SLC49A3: variants seen among roughly 807,000 people sequenced by gnomAD.
SLC49A3 encodes solute carrier family 49 member A3.
Under a neutral mutation model 43.8 loss-of-function variants are expected in SLC49A3, and 50 were observed. The ratio of observed to expected loss-of-function variants is 1.14; its 90% CI spans 0.91 to 1.45. The LOEUF is 1.45. Ranked by LOEUF, SLC49A3 falls within the 40% of genes most tolerant of loss-of-function variation. The probability of loss-of-function intolerance (pLI) is 0.00; values close to 1 mark genes in which losing one functional copy is unlikely to be tolerated. For missense variants in SLC49A3, 906 were observed against 774.1 expected, an observed-to-expected ratio of 1.17 and a Z score of -2.02; for synonymous variants, 413 against 352.0, an observed-to-expected ratio of 1.17 and a Z score of -1.94.
At chr4:690,110 T>G (rs76590635), upstream of SLC49A3, among the ~76,000 whole-genome samples, 6,773 of 152,294 alleles carry the variant, frequency 0.044, 246 homozygotes, top group African/African-American at 0.1. Flanking sequence ...CCTGTCCATT[T>G]TCCACACCTG....
At chr4:678,486 CA>C, downstream of SLC49A3, 1 of 1,438,776 alleles carries the variant, frequency 7.0e-7, no homozygotes, top group Non-Finnish European at 9.1e-7. Context: ...GTCCTGCCCC[CA>C]ACCCCAGCTA....
chr4:686,470 T>G, intron 2 of SLC49A3, 62 bp downstream of exon 2: 1 of 1,579,750 alleles, frequency 6.3e-7, no homozygotes, highest in Non-Finnish European at 8.6e-7. Context: ...TTGACTCTCC[T>G]ACCCAAATGC....
chr4:681,970 C>G lies in SLC49A3; in HGVS notation c.1668G>C (p.Trp556Cys), dbSNP rs372865420. Residue 556 changes from tryptophan to cysteine, a missense_variant, in exon 10 of 10, where the codon TGG becomes TGC. Trp to Cys is a radical substitution (Grantham distance 215). Coordinates refer to ENST00000322224, the MANE Select transcript of SLC49A3 (RefSeq NM_032219.4). ...AGSHSSFSSP[W>C]VIT ...ACAAGGCGCTCAGCTACGTGATCAC[C>G]CACGGGGAGGAGAAGGAGGAGTGAG... 5.0e-6 allele frequency: 7 copies of G among 1,394,762 alleles called. No homozygotes were observed. The African/African-American group carries it at 7.5e-5, about 15-fold the overall frequency. 86.4% of individuals were successfully genotyped at this position (1,394,762 alleles called of 1,614,324 possible).
rs199788552 is a variant in SLC49A3, at chr4:682,917, G to A, written c.1152-27C>T. 1,278 of 1,535,890 alleles carry A rather than the reference G, an allele frequency of 8.3e-4. 7 individuals carry two copies. The Middle Eastern group carries it at 0.01, about 13-fold the overall frequency. On this transcript the variant is annotated intron_variant, in intron 8 of 9. Transcript: ENST00000322224. The stretch of plus-strand genomic sequence containing the variant: ...TGGACACACGTGGCCCTCAGCCCCC[G>A]CTGCACTGCCCACCCCCTCGGAGCC...
chr4:687,726 C>T (rs1438112679), intron 1 of SLC49A3, among the ~76,000 whole-genome samples: 1 of 152,190 alleles, frequency 6.6e-6, no homozygotes, highest in African/African-American at 2.4e-5. Flanking sequence ...CCTGCGCTCG[C>T]CCCCTTGGGT....
At chr4:689,888 C>G (rs570916644), upstream of SLC49A3, among the ~76,000 whole-genome samples, 54 of 152,318 alleles carry the variant, frequency 3.5e-4, no homozygotes, top group Non-Finnish European at 5.6e-4. Context: ...GCTGATCCCA[C>G]AACTGTGCCT....
chr4:679,983 C>T (rs61748885), downstream of SLC49A3: 34,955 of 1,613,482 alleles, frequency 0.022, 2,107 homozygotes, highest in East Asian at 0.26. Context: ...ATCAACTTCA[C>T]CATGTTTCTG....
At position 684,780 on chromosome 4, in the gene SLC49A3, G is replaced by A. The variant is rs60225564; in HGVS notation, c.662C>T (p.Thr221Ile). The stretch of plus-strand genomic sequence containing the variant: ...GCTGGCAGCCCCGGCAGAGGGCGGG[G>A]TGGGGGGCACACTCTCCCACAGGCA... ...TICLWESVPP[T>I]PPSAGAASST... is the part of the protein sequence containing the mutation. Residue 221 changes from threonine to isoleucine, a missense_variant, in exon 5 of 10, where the codon ACC becomes ATC. Coordinates refer to ENST00000322224, the MANE Select transcript of SLC49A3 (RefSeq NM_032219.4). 6 of 1,612,482 alleles carry A rather than the reference G, an allele frequency of 3.7e-6. No homozygotes were observed. The Admixed American group carries it at 5.0e-5, about 13-fold the overall frequency.
At chr4:687,512 G>A (rs1323653034) in intron 1 of SLC49A3, among the ~76,000 whole-genome samples, 4 of 152,174 alleles carry the variant, frequency 2.6e-5, no homozygotes, top group Admixed American at 2.6e-4. Context: ...GGCCCAGCTG[G>A]TGCCTGCCTG....
chr4:678,489 C>A, downstream of SLC49A3: 2 of 1,439,032 alleles, frequency 1.4e-6, no homozygotes, highest in Non-Finnish European at 1.8e-6. Context: ...CTGCCCCCAA[C>A]CCCAGCTACC....
At position 682,089 on chromosome 4, in the gene SLC49A3, G is replaced by C. The variant is rs762254331; in HGVS notation, c.1549C>G (p.Arg517Gly). 1.4e-6 allele frequency: 2 copies of C among 1,394,582 alleles called. No individual in the cohort carries two copies. The highest frequency in any genetic ancestry group is 1.7e-5 in the South Asian group (1 of 60,304). The allele number at this position is 1,394,582 out of a possible 1,614,324, so 86.4% of individuals were successfully genotyped here. The part of the protein sequence containing the change: ...PHPACHRATP[R>G]AQGPAATDAP... The stretch of plus-strand genomic sequence containing the variant: ...TCGGTGGCTGCTGGGCCTTGCGCAC[G>C]GGGAGTCGCTCGGTGGCAGGCTGGG... The change falls in exon 10 of 10, where the codon CGT becomes GGT. Residue 517 changes from arginine to glycine, a missense_variant. Coordinates refer to ENST00000322224, the MANE Select transcript of SLC49A3 (RefSeq NM_032219.4).
upstream of SLC49A3, among the ~76,000 whole-genome samples, chr4:690,726 C>T (rs932010758): frequency 6.6e-6 from 1 of 152,156 alleles, no homozygotes; most frequent in African/African-American, 2.4e-5. Context: ...AACGGGGCAG[C>T]CACTGTAGCT....
At chr4:680,472 C>T, downstream of SLC49A3, 1 of 1,609,374 alleles carries the variant, frequency 6.2e-7, no homozygotes, top group Non-Finnish European at 8.5e-7. Context: ...GGGACTGCCA[C>T]CCTGACGGCC....
upstream of SLC49A3, among the ~76,000 whole-genome samples, chr4:690,061 C>T (rs753754521): frequency 1.3e-5 from 2 of 152,212 alleles, no homozygotes; most frequent in African/African-American, 2.4e-5. Context: ...CAGTATTATT[C>T]GTGGTTTTTG....
At chr4:677,585 G>C (rs1319802376), downstream of SLC49A3, among the ~76,000 whole-genome samples, 1 of 152,224 alleles carries the variant, frequency 6.6e-6, no homozygotes, top group Non-Finnish European at 1.5e-5. Context: ...GAGTGTGCTT[G>C]GCAGAAGCCC....
In SLC49A3 at chr4:682,147, C is replaced by A; in HGVS notation, c.1491G>T (p.Ser497=). The change falls in exon 10 of 10, where the codon TCG becomes TCT. Residue 497 remains serine, a synonymous_variant. Transcript: ENST00000322224. The stretch of plus-strand genomic sequence containing the variant: ...TCCCGGGCCCTCTGGGGTCCTCTAG[C>A]GAGGCCCCCCTCGCCGTGCACTCCG... ...ATPECTARGA[S]LEDPRGPGSP... 7.5e-7 allele frequency: 1 copy of A among 1,340,550 alleles called. No homozygotes were observed. The highest frequency in any genetic ancestry group is 9.7e-7 in the Non-Finnish European group (1 of 1,034,562). 83.0% of individuals were successfully genotyped at this position (1,340,550 alleles called of 1,614,324 possible). A position where few individuals can be genotyped will look rare whatever the true frequency, so the allele number is the denominator to read the frequency against.
downstream of SLC49A3, chr4:678,195 CGTGT>C (rs1281350294): frequency 5.9e-6 from 9 of 1,522,848 alleles, no homozygotes; most frequent in African/African-American, 6.9e-5. Flanking sequence ...TGTGTATGTG[CGTGT>C]GTGTGACCTT....
upstream of SLC49A3, among the ~76,000 whole-genome samples, chr4:689,766 G>A (rs138484511): frequency 4.3e-3 from 657 of 152,388 alleles, 4 homozygotes; most frequent in African/African-American, 0.015. Flanking sequence ...TTACAATGGA[G>A]GACACGGCTC....
At chr4:680,393 C>G (rs1230524008), downstream of SLC49A3, 30 of 1,102,074 alleles carry the variant, frequency 2.7e-5, 1 homozygote, top group South Asian at 9.2e-5. Flanking sequence ...ACCTTGTGGG[C>G]AGAGGCTTGG....
Sources: allele counts gnomAD v4.1 joint callset (sites outside exome capture counted in the v4.1 genomes callset), GRCh38; gene constraint gnomAD v4.1.1; transcripts MANE v1.5; gene names NCBI Gene and HGNC (gene_info 2026-07-23, HGNC 2026-07-21).